CWC22: variants seen among roughly 807,000 people sequenced by gnomAD.
The protein encoded by CWC22 is pre-mRNA-splicing factor CWC22 homolog.
CWC22 carries 53 observed loss-of-function variants against 117.2 expected under a neutral mutation model. The observed-to-expected ratio is 0.45, with a 90% CI of 0.36 to 0.57. CWC22 has a LOEUF of 0.57. Ranked by LOEUF, CWC22 falls within the 20% of genes least tolerant of loss-of-function variation. The pLI is 0.00. For synonymous variants in CWC22, 360 were observed against 355.6 expected (o/e 1.01, Z -0.14); for missense variants, 980 against 1,068.8 (o/e 0.92, Z 1.16).
rs1389169197 is a variant in CWC22 at position 179,951,063 on chromosome 2, T to C, written c.1818-137A>G. 5 of 603,508 alleles carry C rather than the reference T, an allele frequency of 8.3e-6. No homozygotes were observed. In the Admixed American group the frequency reaches 1.2e-4, roughly 14 times the overall value. 37.4% of individuals were successfully genotyped at this position (603,508 alleles called of 1,614,324 possible). On this transcript the variant is annotated intron_variant, in intron 17 of 19. Coordinates refer to ENST00000410053, the MANE Select transcript of CWC22 (RefSeq NM_020943.3). ...CCAAGTAACTAGTTGATGTCATTTA[T>C]TAGGTTAGGCTACGTGCTATCTAAA...
Position 179,945,625 on chromosome 2 carries a change from T to G in CWC22, c.2231A>C (p.Gln744Pro). The change falls in exon 20 of 20, where the codon CAA (glutamine) becomes CCA (proline). Residue 744 changes from glutamine to proline, a missense_variant. Gln to Pro is a moderately conservative substitution (Grantham distance 76). Transcript: ENST00000410053. Reference sequence around the variant, plus strand: ...CCCGTGTTCTTGTCTTCTTTCTTTTTGTTTCCTATCATTTGTTTGCTGGTT... The same window carrying G: ...CCCGTGTTCTTGTCTTCTTTCTTTTGGTTTCCTATCATTTGTTTGCTGGTT... ...IRNQQTNDRKQKERRQEHGHQ... is the reference protein window; with the variant it reads ...IRNQQTNDRKPKERRQEHGHQ... 6.2e-7 allele frequency: 1 copy of G among 1,613,126 alleles called. No individual in the cohort carries two copies.
intron 3 of CWC22, among the ~76,000 whole-genome samples, chr2:179,987,955 G>T (rs1243862396): frequency 6.6e-6 from 1 of 152,078 alleles, no homozygotes; most frequent in Admixed American, 6.6e-5. Flanking sequence ...GGGGGTGAGG[G>T]GATGGTTTCA....
At chr2:179,974,060 T>A (rs535966072) in intron 6 of CWC22, among the ~76,000 whole-genome samples, 1 of 152,326 alleles carries the variant, frequency 6.6e-6, no homozygotes, top group South Asian at 2.1e-4. Context: ...ATATAATTCC[T>A]CTTTTCCCAG....
intron 13 of CWC22, among the ~76,000 whole-genome samples, chr2:179,961,335 G>C (rs1575642315): frequency 6.6e-6 from 1 of 151,816 alleles, no homozygotes; most frequent in Non-Finnish European, 1.5e-5. Flanking sequence ...TAATGATTAT[G>C]GACTTAGTTT....
intron 14 of CWC22, among the ~76,000 whole-genome samples, chr2:179,957,339 T>A (rs1686621343): frequency 6.6e-6 from 1 of 152,166 alleles, no homozygotes; most frequent in African/African-American, 2.4e-5. Flanking sequence ...AAATTCCATA[T>A]CACTATATTT....
At chr2:179,992,920 C>G (rs1165708887) in intron 2 of CWC22, among the ~76,000 whole-genome samples, 1 of 152,160 alleles carries the variant, frequency 6.6e-6, no homozygotes. Context: ...AGAAATTTCC[C>G]TGCACTGTTT....
Position 179,964,569 on chromosome 2 carries a change from T to G in CWC22, c.1375A>C (p.Ile459Leu). Residue 459 changes from isoleucine (I) to leucine (L), a missense_variant, in exon 13 of 20, where the codon ATT becomes CTT. Physicochemically the swap from Ile to Leu is conservative, Grantham distance 5 (BLOSUM62 2). Transcript: ENST00000410053. Reference protein sequence around the residue: ...EINLVSFRRTIYLAIQSSLDF... With the variant: ...EINLVSFRRTLYLAIQSSLDF... The stretch of plus-strand genomic sequence containing the variant: ...TACCTTGACTGAATAGCAAGATAAA[T>G]TGTACGACGAAATGAGACCAGGTTA... 6.4e-7 allele frequency: 1 copy of G among 1,569,140 alleles called. No homozygotes were observed. The highest frequency in any genetic ancestry group is 1.2e-5 in the South Asian group (1 of 85,140).
chr2:179,973,150 TAATGCCACTGA>T, intron 8 of CWC22, 32 bp downstream of exon 8: 1 of 1,391,088 alleles, frequency 7.2e-7, no homozygotes. Context: ...CCCTCTGGTC[TAATGCCACTGA>T]ATGGGACCAA....
intron 6 of CWC22, among the ~76,000 whole-genome samples, chr2:179,974,990 C>T (rs1260728582): frequency 1.2e-4 from 18 of 152,132 alleles, no homozygotes; most frequent in Admixed American, 1.1e-3. Context: ...GTCCTCTTGC[C>T]TCAGGCTCCC....
intron 6 of CWC22, among the ~76,000 whole-genome samples, chr2:179,977,078 C>T (rs1687172235): frequency 6.6e-6 from 1 of 152,084 alleles, no homozygotes; most frequent in African/African-American, 2.4e-5. Context: ...ATTCCTTGAG[C>T]CCAGCAATTC....
At chr2:179,946,160 C>T (rs1686290685) in intron 19 of CWC22, among the ~76,000 whole-genome samples, 4 of 152,010 alleles carry the variant, frequency 2.6e-5, no homozygotes, top group Admixed American at 6.5e-5. Flanking sequence ...TACAATATTT[C>T]AGGCCAGGTA....
At chr2:179,948,973 G>A (rs1686378144) in intron 19 of CWC22, among the ~76,000 whole-genome samples, 2 of 152,174 alleles carry the variant, frequency 1.3e-5, no homozygotes, top group South Asian at 4.1e-4. Flanking sequence ...TTGGAATGAA[G>A]AGTATATGGA....
intron 19 of CWC22, among the ~76,000 whole-genome samples, chr2:179,949,236 C>T (rs1686387045): frequency 6.6e-6 from 1 of 152,068 alleles, no homozygotes; most frequent in South Asian, 2.1e-4. Context: ...GGTAGCCTTG[C>T]AGGGCTAGAG....
At chr2:179,993,286 A>G (rs887107753) in intron 2 of CWC22, 29 bp downstream of exon 2, 47 of 1,491,088 alleles carry the variant, frequency 3.2e-5, no homozygotes, top group Non-Finnish European at 4.3e-5. Context: ...ATAAGTTTAC[A>G]TCCTCCATTT....
chr2:179,948,318 G>C (rs1045234272), intron 19 of CWC22, among the ~76,000 whole-genome samples: 1 of 151,760 alleles, frequency 6.6e-6, no homozygotes, highest in Admixed American at 6.6e-5. Context: ...TGAGGGAAGA[G>C]GGACAATACT....
intron 19 of CWC22, among the ~76,000 whole-genome samples, chr2:179,950,020 G>T (rs185959437): frequency 4.6e-5 from 7 of 152,236 alleles, no homozygotes; most frequent in African/African-American, 1.4e-4. Context: ...AACTGGGAGA[G>T]GAAACACAGA....
chr2:179,952,684 T>G, intron 16 of CWC22, 86 bp from the exon 17 acceptor site: 5 of 680,422 alleles, frequency 7.3e-6, no homozygotes, highest in Non-Finnish European at 1.1e-5. Flanking sequence ...TTTAAGTGTT[T>G]CTCAAAATTA....
rs114363517 is a variant in CWC22, at chr2:179,989,938, G to T, written c.28-1294C>A. ...CATGCTTGCCTCCTTAATGAAGAAA[G>T]GATATATTTTAAAAAAGAAAATTAT... On this transcript the variant is annotated intron_variant, in intron 2 of 19. Transcript: ENST00000410053. Among the ~76,000 whole-genome samples the T allele has an allele frequency of 9.6e-3, 1,459 of 152,056 alleles. 26 individuals carry two copies. Among genetic ancestry groups the T allele is most frequent in the African/African-American group, 0.033 (1,389 of 41,492 alleles).
chr2:180,006,897 C>T lies in CWC22; in HGVS notation c.-144G>A, dbSNP rs75153390. ...TGGACCTAGCCGCTCTCACACCCCT[C>T]TTGCGGGCCCGAGCGTAGCGAGAAG... is the stretch of plus-strand genomic sequence containing the variant. On this transcript the variant is annotated 5_prime_UTR_variant, in exon 1 of 20. Coordinates refer to ENST00000410053, the MANE Select transcript of CWC22 (RefSeq NM_020943.3). The T allele has an allele frequency of 2.0e-5, 3 of 152,470 alleles. No homozygotes were observed. Among genetic ancestry groups the T allele is most frequent in the Non-Finnish European group, 2.9e-5 (2 of 68,254 alleles). 9.4% of individuals were successfully genotyped at this position (152,470 alleles called of 1,614,324 possible).
Sources: allele counts gnomAD v4.1 joint callset (sites outside exome capture counted in the v4.1 genomes callset), GRCh38; gene constraint gnomAD v4.1.1; transcripts MANE v1.5; gene names NCBI Gene and HGNC (gene_info 2026-07-23, HGNC 2026-07-21).